NRG1: variants seen among roughly 807,000 people sequenced by gnomAD.
NRG1 encodes pro-neuregulin-1, membrane-bound isoform.
Under a neutral mutation model 63.8 loss-of-function variants are expected in NRG1, and 18 were observed. That is an observed-to-expected ratio of 0.28 (90% confidence interval 0.19 to 0.42). The LOEUF is 0.42. NRG1 is among the 10% of genes least tolerant of loss of function. The probability of loss-of-function intolerance (pLI) is 1.00; values close to 1 mark genes in which losing one functional copy is unlikely to be tolerated. For missense variants in NRG1, 762 were observed against 814.7 expected (o/e 0.94, Z 0.79); for synonymous variants, 302 against 301.3 (o/e 1.00, Z -0.02).
intron 1 of NRG1, among the ~76,000 whole-genome samples, chr8:31,909,530 T>A (rs1832777467): frequency 6.6e-6 from 1 of 152,162 alleles, no homozygotes; most frequent in South Asian, 2.1e-4. Flanking sequence ...TATGTAAACA[T>A]GTAATTAAAA....
At chr8:32,024,939 T>C (rs1817011482) in intron 1 of NRG1, among the ~76,000 whole-genome samples, 1 of 152,208 alleles carries the variant, frequency 6.6e-6, no homozygotes, top group African/African-American at 2.4e-5. Flanking sequence ...AAAAAAGATA[T>C]ATCTGTATCT....
chr8:32,221,544 T>C (rs1464145288), intron 1 of NRG1, among the ~76,000 whole-genome samples: 1 of 152,246 alleles, frequency 6.6e-6, no homozygotes, highest in African/African-American at 2.4e-5. Flanking sequence ...TTATCCCTTA[T>C]TCAAGGACTG....
chr8:32,590,481 A>G (rs767002279), intron 1 of NRG1, among the ~76,000 whole-genome samples: 1 of 152,230 alleles, frequency 6.6e-6, no homozygotes, highest in South Asian at 2.1e-4. Flanking sequence ...GCCTTCAACT[A>G]ATTTTTAATT....
intron 1 of NRG1, among the ~76,000 whole-genome samples, chr8:31,703,111 C>T (rs1810791349): frequency 6.8e-6 from 1 of 147,170 alleles, no homozygotes; most frequent in South Asian, 2.3e-4. Context: ...TTGTTTCTAT[C>T]AATACATAGC....
At chr8:31,948,751 T>A (rs1803006484) in intron 1 of NRG1, among the ~76,000 whole-genome samples, 1 of 135,880 alleles carries the variant, frequency 7.4e-6, no homozygotes, top group South Asian at 2.5e-4. Context: ...TTCATAAATC[T>A]AAATAAGAGG....
At position 31,902,622 on chromosome 8, in the gene NRG1, A is replaced by C. The variant is rs192786650; in HGVS notation, c.37+263191A>C. Among the ~76,000 whole-genome samples the C allele has an allele frequency of 5.0e-3, 760 of 152,300 alleles. 12 individuals are homozygous for C. The highest frequency in any genetic ancestry group is 0.018 in the African/African-American group (738 of 41,570). On this transcript the variant is annotated intron_variant, in intron 1 of 10. Coordinates refer to the NRG1 transcript ENST00000519301. ...GATGGGTACAAAAGTCATTTGAAGAAGAAACGTACTAATAAAAATATATTT... is the reference window on the plus strand; with the variant it reads ...GATGGGTACAAAAGTCATTTGAAGACGAAACGTACTAATAAAAATATATTT...
At position 31,920,909 on chromosome 8, in the gene NRG1, T is replaced by TAGATAGATAGAC. The variant is rs1375299339; in HGVS notation, c.37+281489_37+281490insCAGATAGATAGA. 9.9e-3 allele frequency among the ~76,000 whole-genome samples: 1,508 copies of TAGATAGATAGAC among 151,574 alleles called. 30 individuals carry two copies. The highest frequency in any genetic ancestry group is 0.035 in the African/African-American group (1,437 of 41,310). ...GTAGATAGATAGATAGATAGATAGA[T>TAGATAGATAGAC]AGATAGATAGATAGATATAAAAACC... On this transcript the variant is annotated intron_variant, in intron 1 of 10. Transcript: ENST00000519301.
intron 1 of NRG1, among the ~76,000 whole-genome samples, chr8:31,871,409 A>G (rs1829474045): frequency 6.6e-6 from 1 of 151,842 alleles, no homozygotes; most frequent in African/African-American, 2.4e-5. Flanking sequence ...CACAAAATCC[A>G]CTGCCCTCCC....
intron 1 of NRG1, among the ~76,000 whole-genome samples, chr8:32,184,229 T>C (rs1015856724): frequency 1.3e-4 from 20 of 152,146 alleles, no homozygotes; most frequent in South Asian, 6.2e-4. Flanking sequence ...GGCAGTGGTA[T>C]AAGAAGATAG....
At chr8:31,760,542 A>G (rs1180038029) in intron 1 of NRG1, among the ~76,000 whole-genome samples, 5 of 152,200 alleles carry the variant, frequency 3.3e-5, no homozygotes, top group Non-Finnish European at 7.3e-5. Flanking sequence ...AAATTTTCGC[A>G]ACCTACTCAT....
At chr8:32,411,102 G>A (rs1216350046) in intron 1 of NRG1, among the ~76,000 whole-genome samples, 3 of 151,992 alleles carry the variant, frequency 2.0e-5, no homozygotes, top group African/African-American at 4.8e-5. Context: ...TCTCGATCTG[G>A]TGACCTCTTG....
chr8:32,471,719 G>GC (rs1823874726), intron 1 of NRG1, among the ~76,000 whole-genome samples: 1 of 152,004 alleles, frequency 6.6e-6, no homozygotes, highest in African/African-American at 2.4e-5. Flanking sequence ...AATACCGAAA[G>GC]AAAAAAATGT....
At chr8:32,025,448 A>T (rs1817095862) in intron 1 of NRG1, among the ~76,000 whole-genome samples, 1 of 152,230 alleles carries the variant, frequency 6.6e-6, no homozygotes, top group Non-Finnish European at 1.5e-5. Context: ...GTAGGCAGAC[A>T]GTAAGATCAT....
At chr8:32,485,817 T>G (rs574766506) in intron 1 of NRG1, among the ~76,000 whole-genome samples, 1 of 152,352 alleles carries the variant, frequency 6.6e-6, no homozygotes, top group South Asian at 2.1e-4. Flanking sequence ...TAATACGTCT[T>G]ATTTAGGTGA....
In NRG1 at chr8:31,878,943, T is replaced by C. The variant is rs998321306; in HGVS notation, c.37+239512T>C. Among the ~76,000 whole-genome samples, 10 of 151,820 alleles carry C rather than the reference T, an allele frequency of 6.6e-5. No homozygotes were observed. In the South Asian group the frequency reaches 8.3e-4, roughly 13 times the overall value. ...GGCATCCTGTTGGCGGAGCTTGCAG[T>C]GAGCCGAGATCGCGCTACTGCACTC... On this transcript the variant is annotated intron_variant, in intron 1 of 10. Coordinates refer to the NRG1 transcript ENST00000519301.
intron 1 of NRG1, among the ~76,000 whole-genome samples, chr8:31,854,707 G>A (rs1827654664): frequency 6.6e-6 from 1 of 152,098 alleles, no homozygotes; most frequent in Non-Finnish European, 1.5e-5. Context: ...TGATGTTAGG[G>A]TGTTAATTTT....
At chr8:31,819,788 A>G (rs1415159663) in intron 1 of NRG1, among the ~76,000 whole-genome samples, 1 of 152,218 alleles carries the variant, frequency 6.6e-6, no homozygotes, top group Non-Finnish European at 1.5e-5. Context: ...CACATAAGCT[A>G]ACATTTCCTA....
At chr8:32,345,549 T>C (rs1262581632) in intron 1 of NRG1, among the ~76,000 whole-genome samples, 1 of 152,054 alleles carries the variant, frequency 6.6e-6, no homozygotes, top group Non-Finnish European at 1.5e-5. Context: ...AAGACCCTCT[T>C]CTCCCAGTGC....
chr8:31,886,166 A>C (rs940881936), intron 1 of NRG1, among the ~76,000 whole-genome samples: 3 of 152,100 alleles, frequency 2.0e-5, no homozygotes, highest in African/African-American at 7.2e-5. Flanking sequence ...CAGTTGTGTT[A>C]ACATTAATAT....
Sources: gnomAD v4.1 joint callset for allele counts (sites outside exome capture counted in the v4.1 genomes callset) on GRCh38, gnomAD v4.1.1 for gene constraint, MANE v1.5 for transcripts, NCBI Gene and HGNC (gene_info 2026-07-23, HGNC 2026-07-21) for gene names.